Variants in TOGARAM1 observed in about 807,000 individuals in gnomAD.
TOGARAM1 encodes TOG array regulator of axonemal microtubules protein 1.
TOGARAM1 carries 100 observed loss-of-function variants against 166.6 expected under a neutral mutation model. The observed-to-expected ratio is 0.60, with a 90% confidence interval of 0.51 to 0.71. The LOEUF is 0.71. Ranked by LOEUF, TOGARAM1 falls within the 30% of genes least tolerant of loss-of-function variation. TOGARAM1 has a pLI of 0.00. For missense variants in TOGARAM1, 2,029 were observed against 2,102.7 expected, an observed-to-expected ratio of 0.96 and a Z score of 0.69; for synonymous variants, 758 against 763.8, an observed-to-expected ratio of 0.99 and a Z score of 0.13.
chr14:45,032,234 A>G lies in TOGARAM1; in HGVS notation c.3670A>G (p.Thr1224Ala). 3 of 1,608,984 alleles carry G rather than the reference A, an allele frequency of 1.9e-6. No homozygotes were observed. Among genetic ancestry groups the G allele is most frequent in the Non-Finnish European group, 1.7e-6 (2 of 1,178,672 alleles). ...GTATTTTGTTTTAGGTGAAACACCT[A>G]CTGGAGCTATTTCACAGTATAAAGA... Reference protein sequence around the residue: ...EKMASESETPTGAISQYKERM... With the variant: ...EKMASESETPAGAISQYKERM... The change falls in exon 11 of 20, where the codon ACT (threonine) becomes GCT (alanine). Residue 1224 changes from threonine (T) to alanine (A), a missense_variant. This residue lies in a region of TOGARAM1 where 576 missense variants were observed against 670.5 expected (regional missense o/e 0.86). Transcript: ENST00000361462.
rs1169416169 is a variant in TOGARAM1 at position 45,074,166 on chromosome 14, C to G, written c.*605C>G. 2 of 152,654 alleles carry G rather than the reference C, an allele frequency of 1.3e-5. No individual in the cohort carries two copies. The highest frequency in any genetic ancestry group is 4.8e-5 in the African/African-American group (2 of 41,534). 9.5% of individuals were successfully genotyped at this position (152,654 alleles called of 1,614,324 possible). A position where few individuals can be genotyped will look rare whatever the true frequency, so the allele number is the denominator to read the frequency against. ...ACAAGTTATAATAAAGCATGACAAC[C>G]AAAGTTTTAGAAAACATTAAACATT... is the stretch of plus-strand genomic sequence containing the variant. On this transcript the variant is annotated 3_prime_UTR_variant, in exon 20 of 20. Coordinates refer to ENST00000361462, the MANE Select transcript of TOGARAM1 (RefSeq NM_001308120.2).
chr14:44,976,949 T>TA (rs1192495014), intron 1 of TOGARAM1, among the ~76,000 whole-genome samples: 5 of 152,174 alleles, frequency 3.3e-5, no homozygotes, highest in Non-Finnish European at 7.4e-5. Flanking sequence ...ATTAGTATTT[T>TA]AAAAATACCA....
Position 45,025,870 on chromosome 14 carries a change from A to C in TOGARAM1, c.3326A>C (p.Lys1109Thr). The C allele has an allele frequency of 6.4e-7, 1 of 1,551,540 alleles. No individual in the cohort carries two copies. The highest frequency in any genetic ancestry group is 8.9e-7 in the Non-Finnish European group (1 of 1,128,432). Residue 1109 changes from lysine to threonine, a missense_variant and splice_region_variant, in exon 8 of 20, where the codon AAA (lysine) becomes ACA (threonine). By Grantham distance (78) the Lys-to-Thr change is moderately conservative. Coordinates refer to ENST00000361462, the MANE Select transcript of TOGARAM1 (RefSeq NM_001308120.2). Reference protein sequence around the residue: ...LSEDSVVVVGKGVFGSLSSAP... With the variant: ...LSEDSVVVVGTGVFGSLSSAP... ...GAAGACTCAGTAGTAGTTGTTGGAA[A>C]AGGTATTTCAAAGTTATTTCGCTTC...
At chr14:44,996,757 T>C (rs1887431656) in intron 2 of TOGARAM1, 1 of 152,232 alleles carries the variant, frequency 6.6e-6, no homozygotes, top group Non-Finnish European at 1.5e-5. Flanking sequence ...CTCAAGAAAT[T>C]TACAATCATG....
chr14:44,996,676 A>G (rs902970251), intron 2 of TOGARAM1: 3 of 152,544 alleles, frequency 2.0e-5, no homozygotes, highest in African/African-American at 7.2e-5. Flanking sequence ...AGACTGGGTA[A>G]TTTATGAAGA....
intron 1 of TOGARAM1, among the ~76,000 whole-genome samples, chr14:44,970,586 A>G (rs1046397148): frequency 1.3e-5 from 2 of 152,172 alleles, no homozygotes; most frequent in Admixed American, 6.5e-5. Flanking sequence ...ATTGAAAAGC[A>G]GTGATGAGAG....
chr14:45,063,420 A>G (rs528150704), intron 16 of TOGARAM1, among the ~76,000 whole-genome samples: 46 of 151,246 alleles, frequency 3.0e-4, no homozygotes, highest in African/African-American at 9.0e-4. Flanking sequence ...ATTTTTTCAC[A>G]TCCTCACCAA....
intron 1 of TOGARAM1, among the ~76,000 whole-genome samples, chr14:44,981,945 G>A (rs1428602265): frequency 6.7e-6 from 1 of 149,590 alleles, no homozygotes; most frequent in Non-Finnish European, 1.5e-5. Context: ...TCAGGTTCAA[G>A]TGATTCTCCT....
intron 13 of TOGARAM1, among the ~76,000 whole-genome samples, chr14:45,045,627 G>GTA (rs1425963548): frequency 2.0e-4 from 13 of 63,830 alleles, no homozygotes; most frequent in South Asian, 1.4e-3. Context: ...GTATATATAT[G>GTA]TATATATATA....
rs1427852665 is a variant in TOGARAM1 at position 45,032,253 on chromosome 14, AT to A, written c.3690del (p.Tyr1230Ter). ...SETPTGAISQ[Y>X]KERMPSVTHS... ...ACACCTACTGGAGCTATTTCACAGT[AT>A]AAAGAAAGGATGCCTTCTGTCACTC... On this transcript the variant is annotated frameshift_variant, in exon 11 of 20. Coordinates refer to ENST00000361462, the MANE Select transcript of TOGARAM1 (RefSeq NM_001308120.2). LOFTEE classifies it high-confidence loss of function. 6.2e-7 allele frequency: 1 copy of A among 1,614,008 alleles called. No homozygotes were observed. The highest frequency in any genetic ancestry group is 2.2e-5 in the East Asian group (1 of 44,878).
chr14:45,027,911 T>G lies in TOGARAM1; in HGVS notation c.3505-265T>G, dbSNP rs185993835. ...AAAGAAATTTTGATTCTTAATCATTTAAATATAGATTATTCGTCCTTCCCA... is the reference window on the plus strand; with the variant it reads ...AAAGAAATTTTGATTCTTAATCATTGAAATATAGATTATTCGTCCTTCCCA... On this transcript the variant is annotated intron_variant, in intron 9 of 19. Coordinates refer to ENST00000361462, the MANE Select transcript of TOGARAM1 (RefSeq NM_001308120.2). Among the ~76,000 whole-genome samples, 14 of 152,234 alleles carry G rather than the reference T, an allele frequency of 9.2e-5. No individual in the cohort carries two copies. In the East Asian group the frequency reaches 1.4e-3, roughly 15 times the overall value.
At chr14:45,064,523 T>G (rs1282832969) in intron 16 of TOGARAM1, among the ~76,000 whole-genome samples, 2 of 152,048 alleles carry the variant, frequency 1.3e-5, no homozygotes, top group African/African-American at 4.8e-5. Context: ...CAGGCTGGAG[T>G]GCAATGACGT....
intron 10 of TOGARAM1, among the ~76,000 whole-genome samples, chr14:45,031,284 T>A (rs1204905389): frequency 1.3e-5 from 2 of 152,202 alleles, no homozygotes; most frequent in Non-Finnish European, 2.9e-5. Context: ...CTTTTTAATA[T>A]CTCCACTGCA....
chr14:45,053,829 A>T (rs1882498995), intron 15 of TOGARAM1, among the ~76,000 whole-genome samples: 1 of 152,174 alleles, frequency 6.6e-6, no homozygotes, highest in Non-Finnish European at 1.5e-5. Flanking sequence ...TATATTCTAC[A>T]TAGATTTTAA....
In TOGARAM1 at chr14:44,981,759, A is replaced by G. The variant is rs558109429; in HGVS notation, c.2047-13987A>G. Among the ~76,000 whole-genome samples, 16 of 151,994 alleles carry G rather than the reference A, an allele frequency of 1.1e-4. No homozygotes were observed. The South Asian group carries it at 2.7e-3, about 26-fold the overall frequency. On this transcript the variant is annotated intron_variant, in intron 1 of 19. Coordinates refer to ENST00000361462, the MANE Select transcript of TOGARAM1 (RefSeq NM_001308120.2). ...GTCTACAATTAATAATTTGTTTCCT[A>G]TGCTTTCAGTATAATTTCAGTTTAT...
At chr14:44,979,998 T>G (rs1013156964) in intron 1 of TOGARAM1, among the ~76,000 whole-genome samples, 1 of 152,168 alleles carries the variant, frequency 6.6e-6, no homozygotes, top group Admixed American at 6.5e-5. Context: ...ATTAGTGTTA[T>G]AATATTGAAA....
chr14:45,045,064 T>C (rs112548625), intron 13 of TOGARAM1, among the ~76,000 whole-genome samples, 194 bp downstream of exon 13: 4 of 152,312 alleles, frequency 2.6e-5, no homozygotes, highest in African/African-American at 9.6e-5. Flanking sequence ...TCTCATAGAA[T>C]ATGTATACTT....
rs1173248975 is a variant in TOGARAM1, at chr14:44,964,066, C to G, written c.1645C>G (p.Leu549Val). The G allele has an allele frequency of 6.2e-7, 1 of 1,614,042 alleles. No homozygotes were observed. The highest frequency in any genetic ancestry group is 2.2e-5 in the East Asian group (1 of 44,872). ...SSMGSGKTSI[L>V]FKAVDTVELQ... ...AATGGGCTCAGGTAAAACCAGCATC[C>G]TTTTTAAAGCTGTGGATACAGTTGA... Residue 549 changes from leucine to valine, a missense_variant, in exon 1 of 20, where the codon CTT (leucine) becomes GTT (valine). Leu to Val is a conservative substitution (Grantham distance 32, BLOSUM62 1). This residue lies in a region of TOGARAM1 where 1,453 missense variants were observed against 1,432.2 expected (regional missense o/e 1.01). Coordinates refer to ENST00000361462, the MANE Select transcript of TOGARAM1 (RefSeq NM_001308120.2).
In TOGARAM1 at chr14:45,074,155, A is replaced by G. The variant is rs1883503861; in HGVS notation, c.*594A>G. 6.6e-6 allele frequency: 1 copy of G among 152,670 alleles called. No homozygotes were observed. Among genetic ancestry groups the G allele is most frequent in the Non-Finnish European group, 1.5e-5 (1 of 68,038 alleles). The allele number at this position is 152,670 out of a possible 1,614,324, so 9.5% of individuals were successfully genotyped here. ...TGTGAAATTTAACAAGTTATAATAAAGCATGACAACCAAAGTTTTAGAAAA... is the reference window on the plus strand; with the variant it reads ...TGTGAAATTTAACAAGTTATAATAAGGCATGACAACCAAAGTTTTAGAAAA... On this transcript the variant is annotated 3_prime_UTR_variant, in exon 20 of 20. Coordinates refer to ENST00000361462, the MANE Select transcript of TOGARAM1 (RefSeq NM_001308120.2).
Sources: gnomAD v4.1 joint callset for allele counts (sites outside exome capture counted in the v4.1 genomes callset) on GRCh38, gnomAD v4.1.1 for gene constraint, gnomAD v4.1.1 regional missense constraint, MANE v1.5 for transcripts, NCBI Gene and HGNC (gene_info 2026-07-23, HGNC 2026-07-21) for gene names.